Variants in LPIN2 observed in about 807,000 individuals in gnomAD.
The protein encoded by LPIN2 is phosphatidate phosphatase LPIN2.
Under a neutral mutation model 111.4 loss-of-function variants are expected in LPIN2, and 55 were observed. The observed-to-expected ratio is 0.49, with a 90% CI of 0.40 to 0.62. LPIN2 has a LOEUF of 0.62. Among genes scored for constraint, LPIN2 ranks in the 20% least tolerant of loss-of-function variants. The pLI, the probability that LPIN2 is intolerant of heterozygous loss-of-function variation, is 0.00. For missense variants in LPIN2, 992 were observed against 1,112.1 expected, an observed-to-expected ratio of 0.89 and a Z score of 1.54; for synonymous variants, 425 against 414.0, an observed-to-expected ratio of 1.03 and a Z score of -0.32.
intron 4 of LPIN2, among the ~76,000 whole-genome samples, chr18:2,943,802 G>A (rs2077402563): frequency 6.6e-6 from 1 of 152,158 alleles, no homozygotes; most frequent in Non-Finnish European, 1.5e-5. Context: ...AACATCATGA[G>A]TCTGGTTGCC....
intron 1 of LPIN2, among the ~76,000 whole-genome samples, chr18:3,001,712 A>G (rs1345786993): frequency 1.3e-5 from 2 of 152,212 alleles, no homozygotes; most frequent in Non-Finnish European, 2.9e-5. Flanking sequence ...AGGGAGCAGT[A>G]ATCAGCTGTG....
intron 11 of LPIN2, 130 bp downstream of exon 11, chr18:2,928,461 T>G (rs2077167908): frequency 5.5e-6 from 5 of 910,810 alleles, no homozygotes; most frequent in Non-Finnish European, 8.8e-6. Context: ...CTTTGATCTT[T>G]TATATTAAAT....
Position 2,923,812 on chromosome 18 carries a change from G to A in LPIN2, c.2137C>T (p.His713Tyr). 1 of 1,614,184 alleles carries A rather than the reference G, an allele frequency of 6.2e-7. No homozygotes were observed. Among genetic ancestry groups the A allele is most frequent in the Non-Finnish European group, 8.5e-7 (1 of 1,180,026 alleles). ...TGGTAGAGCTTTGCTATACCCTGGT[G>A]GGTCCAGTCTTTGCCCAGCTGTGGG... ...ILPQLGKDWTHQGIAKLYHSI... is the reference protein window; with the variant it reads ...ILPQLGKDWTYQGIAKLYHSI... The change falls in exon 16 of 20, where the codon CAC becomes TAC. Residue 713 changes from histidine (H) to tyrosine (Y), a missense_variant. His to Tyr is a moderately conservative substitution (Grantham distance 83). Transcript: ENST00000677752.
chr18:2,940,734 AAGGC>A (rs1290173768), intron 4 of LPIN2, 22 bp from the exon 5 acceptor site: 2 of 1,408,282 alleles, frequency 1.4e-6, no homozygotes, highest in Admixed American at 3.4e-5. Flanking sequence ...AAACCAAAGA[AAGGC>A]AGGAACGATG....
chr18:2,952,209 C>G (rs1335034222), intron 3 of LPIN2, among the ~76,000 whole-genome samples: 1 of 152,138 alleles, frequency 6.6e-6, no homozygotes, highest in Non-Finnish European at 1.5e-5. Context: ...GGCGGATCAC[C>G]TGAGGTCAGG....
Position 2,951,152 on chromosome 18 carries a change from C to T in LPIN2, c.493G>A (p.Asp165Asn). 6.2e-7 allele frequency: 1 copy of T among 1,614,148 alleles called. No homozygotes were observed. The highest frequency in any genetic ancestry group is 1.1e-5 in the South Asian group (1 of 91,078). The change falls in exon 4 of 20, where the codon GAC (aspartate) becomes AAC (asparagine). Residue 165 changes from aspartate (D) to asparagine (N), a missense_variant. Physicochemically the swap from Asp to Asn is conservative, Grantham distance 23 (BLOSUM62 1). Coordinates refer to ENST00000677752, the MANE Select transcript of LPIN2 (RefSeq NM_001375808.2). ...GCGGCCTGCTCTTCCTTCTTACTGTCCTGTTTGTATTTCTTTCTCCTTCGT... is the reference window on the plus strand; with the variant it reads ...GCGGCCTGCTCTTCCTTCTTACTGTTCTGTTTGTATTTCTTTCTCCTTCGT... ...KKRRRKKYKQDSKKEEQAASA... is the reference protein window; with the variant it reads ...KKRRRKKYKQNSKKEEQAASA...
In LPIN2 at chr18:2,931,455, G is replaced by C; in HGVS notation, c.1269-12C>G. 5 of 1,566,874 alleles carry C rather than the reference G, an allele frequency of 3.2e-6. No individual in the cohort carries two copies. Among genetic ancestry groups the C allele is most frequent in the Non-Finnish European group, 4.3e-6 (5 of 1,156,268 alleles). ...CGGGCTCCGATTCACTGTGGACAGG[G>C]GATGGGGAAAAGATGTGCTTTATTA... On this transcript the variant is annotated splice_polypyrimidine_tract_variant and intron_variant, in intron 8 of 19. Transcript: ENST00000677752.
intron 4 of LPIN2, chr18:2,946,315 T>C (rs761567910): frequency 3.3e-6 from 5 of 1,517,090 alleles, no homozygotes; most frequent in Non-Finnish European, 4.6e-6. Flanking sequence ...TGACCTCAGG[T>C]TTGACTGGCT....
intron 1 of LPIN2, among the ~76,000 whole-genome samples, chr18:2,983,447 A>ATTACT: frequency 6.6e-6 from 1 of 152,376 alleles, no homozygotes; most frequent in Non-Finnish European, 1.5e-5. Context: ...GCTCTCAGTA[A>ATTACT]GTCAAAACAT....
chr18:2,969,662 A>C (rs917321191), intron 1 of LPIN2, among the ~76,000 whole-genome samples: 15 of 152,186 alleles, frequency 9.9e-5, no homozygotes, highest in African/African-American at 3.1e-4. Flanking sequence ...GGTGCTTAAG[A>C]ATGTAGGTTC....
At chr18:2,964,686 G>A (rs1470171552) in intron 1 of LPIN2, among the ~76,000 whole-genome samples, 1 of 152,206 alleles carries the variant, frequency 6.6e-6, no homozygotes, top group Non-Finnish European at 1.5e-5. Flanking sequence ...ACTAAGACAA[G>A]TCTCTTCTTA....
At chr18:3,009,128 G>C (rs983456251) in intron 1 of LPIN2, among the ~76,000 whole-genome samples, 4 of 152,080 alleles carry the variant, frequency 2.6e-5, no homozygotes, top group African/African-American at 7.2e-5. Flanking sequence ...GGCCAGGCGC[G>C]GTGGCTCACG....
intron 3 of LPIN2, among the ~76,000 whole-genome samples, chr18:2,952,580 A>G (rs750167260): frequency 6.6e-6 from 1 of 152,222 alleles, no homozygotes; most frequent in Non-Finnish European, 1.5e-5. Context: ...AGTTTGATTT[A>G]GCTAGGAGAA....
chr18:2,958,146 A>G (rs2077644101), intron 2 of LPIN2, among the ~76,000 whole-genome samples: 1 of 120,688 alleles, frequency 8.3e-6, no homozygotes, highest in Non-Finnish European at 1.7e-5. Context: ...CATCTCAAAA[A>G]AAAAAAAAAA....
intron 1 of LPIN2, among the ~76,000 whole-genome samples, chr18:3,002,171 C>T (rs892273718): frequency 7.1e-6 from 1 of 140,296 alleles, no homozygotes; most frequent in Non-Finnish European, 1.5e-5. Flanking sequence ...GGTCCATTTC[C>T]ATTTGATGAC....
intron 1 of LPIN2, among the ~76,000 whole-genome samples, chr18:2,975,216 T>C (rs1235660670): frequency 6.6e-6 from 1 of 152,252 alleles, no homozygotes; most frequent in Non-Finnish European, 1.5e-5. Context: ...CTTGTTTCAC[T>C]GAAACCTAAA....
At chr18:2,947,568 T>C (rs1382293942) in intron 4 of LPIN2, among the ~76,000 whole-genome samples, 2 of 152,248 alleles carry the variant, frequency 1.3e-5, no homozygotes, top group African/African-American at 4.8e-5. Flanking sequence ...CCCTCTTCCA[T>C]CTGCCTCCTT....
At chr18:2,926,128 A>C (rs570898964) in intron 13 of LPIN2, among the ~76,000 whole-genome samples, 12 of 152,310 alleles carry the variant, frequency 7.9e-5, no homozygotes, top group Admixed American at 3.3e-4. Flanking sequence ...CTAGAAAAAA[A>C]CAAAAACTAG....
chr18:2,984,104 T>C (rs1410153081), intron 1 of LPIN2, among the ~76,000 whole-genome samples: 4 of 152,358 alleles, frequency 2.6e-5, no homozygotes, highest in East Asian at 1.9e-4. Flanking sequence ...TTTCAAATGT[T>C]TGACCAAGTA....
Sources: allele counts gnomAD v4.1 joint callset (sites outside exome capture counted in the v4.1 genomes callset), GRCh38; gene constraint gnomAD v4.1.1; transcripts MANE v1.5; gene names NCBI Gene and HGNC (gene_info 2026-07-23, HGNC 2026-07-21).